OTOGL: variants seen among roughly 807,000 people sequenced by gnomAD.
The protein encoded by OTOGL is otogelin like.
A neutral mutation model predicts 318.5 loss-of-function variants in OTOGL; 285 were observed. The observed-to-expected ratio is 0.89, with a 90% CI of 0.81 to 0.99. OTOGL has a LOEUF of 0.99. OTOGL is among the 50% of genes least tolerant of loss of function. OTOGL has a pLI of 0.00. For synonymous variants in OTOGL, 987 were observed against 936.5 expected (o/e 1.05, Z -0.99); for missense variants, 2,899 against 2,845.6 (o/e 1.02, Z -0.43).
intron 34 of OTOGL, 119 bp downstream of exon 34, chr12:80,320,819 C>A: frequency 9.4e-7 from 1 of 1,068,152 alleles, no homozygotes; most frequent in Non-Finnish European, 1.3e-6. Context: ...CTTTTATGAC[C>A]TTAAGTAAGT....
intron 44 of OTOGL, among the ~76,000 whole-genome samples, chr12:80,347,240 A>G (rs972765609): frequency 1.3e-5 from 2 of 151,964 alleles, no homozygotes; most frequent in African/African-American, 2.4e-5. Flanking sequence ...GCTGCACCCA[A>G]CAACCCATCA....
chr12:80,320,806 A>ATCT, intron 34 of OTOGL, 106 bp downstream of exon 34: 1 of 1,204,784 alleles, frequency 8.3e-7, no homozygotes, highest in Non-Finnish European at 1.1e-6. Flanking sequence ...ATAAGCAGAT[A>ATCT]GACTTTTATG....
At chr12:80,363,215 T>C (rs1049145519) in intron 52 of OTOGL, among the ~76,000 whole-genome samples, 2 of 152,218 alleles carry the variant, frequency 1.3e-5, no homozygotes, top group Non-Finnish European at 2.9e-5. Context: ...AGATAAGTTA[T>C]GGGCAGTCAT....
chr12:80,185,014 T>C (rs1875187517), intron 1 of OTOGL, among the ~76,000 whole-genome samples: 1 of 152,122 alleles, frequency 6.6e-6, no homozygotes, highest in Non-Finnish European at 1.5e-5. Flanking sequence ...AACGAAGTAG[T>C]ATATCTTTTC....
At chr12:80,141,471 C>T (rs1871942090) in intron 1 of OTOGL, among the ~76,000 whole-genome samples, 1 of 152,154 alleles carries the variant, frequency 6.6e-6, no homozygotes, top group African/African-American at 2.4e-5. Context: ...GAGGATGCTG[C>T]CTCCAGAGAA....
chr12:80,340,115 A>G (rs975817001), intron 43 of OTOGL, among the ~76,000 whole-genome samples: 2 of 152,200 alleles, frequency 1.3e-5, no homozygotes, highest in African/African-American at 4.8e-5. Flanking sequence ...TAGTACAAAT[A>G]TATCTATTTT....
intron 54 of OTOGL, 126 bp from the exon 55 acceptor site, chr12:80,368,079 C>T (rs1890659975): frequency 1.4e-6 from 1 of 692,024 alleles, no homozygotes; most frequent in African/African-American, 1.8e-5. Context: ...TTCTCATATT[C>T]AACCTTAGAA....
At chr12:80,252,822 G>A (rs1881691286) in intron 13 of OTOGL, among the ~76,000 whole-genome samples, 1 of 152,190 alleles carries the variant, frequency 6.6e-6, no homozygotes, top group South Asian at 2.1e-4. Flanking sequence ...GCTACTCAAA[G>A]TATGGCGGAC....
At chr12:80,313,754 T>C (rs554469295) in intron 31 of OTOGL, 122 bp downstream of exon 31, 5 of 749,564 alleles carry the variant, frequency 6.7e-6, no homozygotes, top group Non-Finnish European at 1.0e-5. Flanking sequence ...TTAAAATGAC[T>C]AAATTTTATA....
Position 80,329,032 on chromosome 12 carries a change from C to G in OTOGL, c.4280-19C>G. 6.3e-7 allele frequency: 1 copy of G among 1,577,714 alleles called. No individual in the cohort carries two copies. The highest frequency in any genetic ancestry group is 8.6e-7 in the Non-Finnish European group (1 of 1,161,908). On this transcript the variant is annotated intron_variant, in intron 36 of 58. Coordinates refer to ENST00000547103, the MANE Select transcript of OTOGL (RefSeq NM_001378609.3). ...TATGCAAATACAGTTTTATAAAGAG[C>G]ACCTTTGTTTCTTTGTAGGTATACC...
rs377713215 is a variant in OTOGL at position 80,336,095 on chromosome 12, G to A, written c.4555G>A (p.Val1519Ile). ...MPDCGFRGRP[V>I]QVNSDICCPE... ...TGACTGTGGTTTCCGAGGAAGGCCA[G>A]TTCAAGTGAACAGTGATATCTGCTG... Residue 1519 changes from valine (V) to isoleucine (I), a missense_variant, in exon 39 of 59, where the codon GTT becomes ATT. This residue lies in a region of OTOGL where 2,607 missense variants were observed against 2,524.9 expected (regional missense o/e 1.03). Coordinates refer to ENST00000547103, the MANE Select transcript of OTOGL (RefSeq NM_001378609.3). 8 of 1,598,244 alleles carry A rather than the reference G, an allele frequency of 5.0e-6. No individual in the cohort carries two copies. The African/African-American group carries it at 1.1e-4, about 21-fold the overall frequency.
chr12:80,122,144 TTAAC>T (rs1423597799), intron 1 of OTOGL, among the ~76,000 whole-genome samples: 5 of 152,152 alleles, frequency 3.3e-5, no homozygotes, highest in African/African-American at 7.2e-5. Context: ...TTTGAGTTGT[TTAAC>T]TAACTAAAAA....
intron 7 of OTOGL, among the ~76,000 whole-genome samples, chr12:80,224,202 T>C (rs545211923): frequency 6.6e-6 from 1 of 152,318 alleles, no homozygotes; most frequent in South Asian, 2.1e-4. Context: ...CCCCACTTTA[T>C]GTTTTTGTTT....
In OTOGL at chr12:80,328,999, T is replaced by C. The variant is rs900831545; in HGVS notation, c.4280-52T>C. 24 of 1,468,354 alleles carry C rather than the reference T, an allele frequency of 1.6e-5. No individual in the cohort carries two copies. In the African/African-American group the frequency reaches 2.8e-4, roughly 17 times the overall value. The allele number at this position is 1,468,354 out of a possible 1,614,324, so 91.0% of individuals were successfully genotyped here. ...AAGAGTCCTCTATGAAATATGTGGG[T>C]CTAATTTTATGCAAATACAGTTTTA... On this transcript the variant is annotated intron_variant, in intron 36 of 58. Transcript: ENST00000547103.
intron 32 of OTOGL, 58 bp downstream of exon 32, chr12:80,314,389 A>G (rs1886843662): frequency 4.0e-6 from 3 of 745,722 alleles, no homozygotes; most frequent in Non-Finnish European, 3.7e-6. Flanking sequence ...GTATTTTCAT[A>G]TTAAAAATTT....
rs1880610347 is a variant in OTOGL, at chr12:80,243,872, A to T, written c.1052+4433A>T. On this transcript the variant is annotated intron_variant, in intron 11 of 58. Transcript: ENST00000547103. Reference sequence around the variant, plus strand: ...ATATACATATATATATATATATACGATTCCATTATTGATTTCTGCATTGCA... The same window carrying T: ...ATATACATATATATATATATATACGTTTCCATTATTGATTTCTGCATTGCA... 2.0e-5 allele frequency among the ~76,000 whole-genome samples: 3 copies of T among 146,342 alleles called. No individual in the cohort carries two copies. The South Asian group carries it at 6.3e-4, about 31-fold the overall frequency.
At chr12:80,153,774 C>A (rs959600228) in intron 1 of OTOGL, among the ~76,000 whole-genome samples, 1 of 152,176 alleles carries the variant, frequency 6.6e-6, no homozygotes, top group Non-Finnish European at 1.5e-5. Flanking sequence ...ATAGTTTTGC[C>A]TTTCCCAGAA....
intron 26 of OTOGL, among the ~76,000 whole-genome samples, chr12:80,287,440 C>G (rs532430831): frequency 6.6e-6 from 1 of 151,406 alleles, no homozygotes; most frequent in Admixed American, 6.6e-5. Context: ...GAGTTCCAGT[C>G]CTGAATATCC....
chr12:80,236,216 T>A (rs1879832536), intron 9 of OTOGL, among the ~76,000 whole-genome samples: 1 of 152,236 alleles, frequency 6.6e-6, no homozygotes, highest in Non-Finnish European at 1.5e-5. Flanking sequence ...CCATAATTCA[T>A]GTCTACATCT....
Sources: allele counts gnomAD v4.1 joint callset (sites outside exome capture counted in the v4.1 genomes callset), GRCh38; gene constraint gnomAD v4.1.1; regional missense constraint gnomAD v4.1.1; transcripts MANE v1.5; gene names NCBI Gene and HGNC (gene_info 2026-07-23, HGNC 2026-07-21).